Variants in TMEM185A observed in about 807,000 individuals in gnomAD.
The protein encoded by TMEM185A is transmembrane protein 185A, also known as family with sequence similarity 11, member A.
A neutral mutation model predicts 25.0 loss-of-function variants in TMEM185A; 9 were observed. The ratio of observed to expected loss-of-function variants is 0.36; its 90% confidence interval spans 0.22 to 0.63. The LOEUF (loss-of-function observed/expected upper bound fraction) is 0.63. Ranked by LOEUF, TMEM185A falls within the 20% of genes least tolerant of loss-of-function variation. The pLI, the probability that TMEM185A is intolerant of heterozygous loss-of-function variation, is 0.68. For missense variants in TMEM185A, 103 were observed against 237.4 expected (o/e 0.43, Z 3.72); for synonymous variants, 45 against 93.5 (o/e 0.48, Z 2.99).
chrX:149,631,357 G>A (rs78311649), intron 1 of TMEM185A, among the ~76,000 whole-genome samples, 186 bp downstream of exon 1: 1 of 111,345 alleles, frequency 9.0e-6, no homozygotes, highest in African/African-American at 3.3e-5. Context: ...ACGGGAGGAG[G>A]AAGCGGGCGG....
intron 3 of TMEM185A, among the ~76,000 whole-genome samples, 170 bp from the exon 4 acceptor site, chrX:149,604,240 T>C (rs1418704030): frequency 8.9e-6 from 1 of 112,585 alleles, no homozygotes; most frequent in Non-Finnish European, 1.9e-5. Context: ...CACAGCAGTA[T>C]TATGGCAAGG....
rs1214930595 is a variant in TMEM185A, at chrX:149,631,777, C to T, written c.-197G>A. The T allele has an allele frequency of 4.5e-6, 1 of 224,206 alleles. No homozygotes were observed. The highest frequency in any genetic ancestry group is 1.4e-4 in the South Asian group (1 of 7,358). The allele number at this position is 224,206 out of a possible 1,213,427, so 18.5% of individuals were successfully genotyped here. A position where few individuals can be genotyped will look rare whatever the true frequency, so the allele number is the denominator to read the frequency against. The stretch of plus-strand genomic sequence containing the variant: ...GCCGCCGCCGCCGCCGCCGCCGCCG[C>T]CGCCCGGAGAAACCTGAGCCACCGC... On this transcript the variant is annotated 5_prime_UTR_variant, in exon 1 of 7. Coordinates refer to ENST00000600449, the MANE Select transcript of TMEM185A (RefSeq NM_032508.4).
intron 1 of TMEM185A, 124 bp from the exon 2 acceptor site, chrX:149,611,587 T>C: frequency 1.6e-6 from 1 of 631,063 alleles, no homozygotes; most frequent in Non-Finnish European, 2.4e-6. Flanking sequence ...TAATCATTTA[T>C]TGAAAAGGTC....
chrX:149,631,323 G>A (rs976897126), intron 1 of TMEM185A, among the ~76,000 whole-genome samples: 2 of 111,084 alleles, frequency 1.8e-5, no homozygotes, highest in South Asian at 3.9e-4. Flanking sequence ...GGCCGTGGCC[G>A]GGCAGGGGCT....
chrX:149,605,113 G>A (rs980992706), intron 3 of TMEM185A: 1 of 112,626 alleles, frequency 8.9e-6, no homozygotes, highest in African/African-American at 3.2e-5. Context: ...CCTCCTTCAT[G>A]GTTAGTTCTC....
intron 3 of TMEM185A, among the ~76,000 whole-genome samples, chrX:149,604,416 C>T (rs781988997): frequency 9.8e-5 from 11 of 111,884 alleles, no homozygotes; most frequent in South Asian, 7.5e-4. Flanking sequence ...ACTGTCTACT[C>T]GAAACCATCC....
intron 2 of TMEM185A, among the ~76,000 whole-genome samples, 169 bp downstream of exon 2, chrX:149,611,118 C>T (rs1241984627): frequency 2.7e-5 from 3 of 111,535 alleles, no homozygotes; most frequent in African/African-American, 9.8e-5. Flanking sequence ...AAAATACATA[C>T]CAAAGACTAA....
chrX:149,606,813 G>A (rs2090054234), intron 3 of TMEM185A: 1 of 112,628 alleles, frequency 8.9e-6, no homozygotes, highest in African/African-American at 3.2e-5. Context: ...GGAATGCCTA[G>A]AGTGTGAATA....
chrX:149,622,585 T>C (rs1416820683), intron 1 of TMEM185A, among the ~76,000 whole-genome samples: 5 of 112,168 alleles, frequency 4.5e-5, no homozygotes, highest in African/African-American at 1.3e-4. Context: ...AAAAAAAGGA[T>C]CATGGGGCAG....
rs1557356680 is a variant in TMEM185A, at chrX:149,631,622, C to T, written c.-42G>A. On this transcript the variant is annotated 5_prime_UTR_variant, in exon 1 of 7. Coordinates refer to ENST00000600449, the MANE Select transcript of TMEM185A (RefSeq NM_032508.4). ...GCGGCGTCCTCCTCCTCCTCCCCCG[C>T]ACCCCGTGCTGCACAGCCTGCGCCT... 1 of 1,129,347 alleles carries T rather than the reference C, an allele frequency of 8.9e-7. No homozygotes were observed. Among genetic ancestry groups the T allele is most frequent in the Non-Finnish European group, 1.2e-6 (1 of 846,300 alleles). The allele number at this position is 1,129,347 out of a possible 1,213,427, so 93.1% of individuals were successfully genotyped here.
At chrX:149,624,916 T>C (rs782591509) in intron 1 of TMEM185A, among the ~76,000 whole-genome samples, 1 of 112,070 alleles carries the variant, frequency 8.9e-6, no homozygotes, top group Non-Finnish European at 1.9e-5. Flanking sequence ...ATTCCTCATA[T>C]ACTGATTCAT....
At chrX:149,618,424 T>A (rs2090121851) in intron 1 of TMEM185A, among the ~76,000 whole-genome samples, 1 of 111,156 alleles carries the variant, frequency 9.0e-6, no homozygotes, top group Non-Finnish European at 1.9e-5. Flanking sequence ...GCTAAAAAAA[T>A]ATACATAGCA....
intron 1 of TMEM185A, among the ~76,000 whole-genome samples, chrX:149,618,564 T>A (rs782424072): frequency 2.2e-4 from 25 of 111,442 alleles, no homozygotes; most frequent in Middle Eastern, 4.7e-3. Context: ...GCTCTCAAAG[T>A]TTTTAGTATC....
chrX:149,620,493 G>A (rs2090134334), intron 1 of TMEM185A, among the ~76,000 whole-genome samples: 1 of 111,705 alleles, frequency 9.0e-6, no homozygotes. Context: ...AAGTGAAGCT[G>A]GCATTTTTTT....
intron 3 of TMEM185A, among the ~76,000 whole-genome samples, chrX:149,604,437 T>G (rs1309741841): frequency 1.8e-5 from 2 of 112,019 alleles, no homozygotes; most frequent in African/African-American, 6.5e-5. Flanking sequence ...TTGTGCATCC[T>G]TCTTCTCATA....
chrX:149,631,362 G>C lies in TMEM185A; in HGVS notation c.38+181C>G, dbSNP rs782335058. 3.6e-5 allele frequency among the ~76,000 whole-genome samples: 4 copies of C among 111,289 alleles called. No individual in the cohort carries two copies. In the South Asian group the frequency reaches 1.5e-3, roughly 43 times the overall value. On this transcript the variant is annotated intron_variant, in intron 1 of 6. Coordinates refer to ENST00000600449, the MANE Select transcript of TMEM185A (RefSeq NM_032508.4). ...AGCACCGGGCACGGGAGGAGGAAGC[G>C]GGCGGGCGCCGAGGCCGACTGTTTT...
intron 1 of TMEM185A, among the ~76,000 whole-genome samples, chrX:149,630,227 G>A (rs1602890207): frequency 9.0e-6 from 1 of 111,618 alleles, no homozygotes; most frequent in East Asian, 2.8e-4. Context: ...AACTCAAAGT[G>A]GAATAAGAGC....
intron 6 of TMEM185A, among the ~76,000 whole-genome samples, chrX:149,598,794 A>G (rs2090004656): frequency 1.2e-5 from 1 of 80,941 alleles, no homozygotes; most frequent in African/African-American, 7.6e-5. Context: ...GGGGGCCTGA[A>G]CTCATGGAGC....
At chrX:149,631,136 G>A (rs2090189289) in intron 1 of TMEM185A, among the ~76,000 whole-genome samples, 1 of 110,684 alleles carries the variant, frequency 9.0e-6, no homozygotes, top group African/African-American at 3.3e-5. Context: ...AACAGCTGGG[G>A]TGGGGGTAGG....
Sources: allele counts gnomAD v4.1 joint callset (sites outside exome capture counted in the v4.1 genomes callset), GRCh38; gene constraint gnomAD v4.1.1; transcripts MANE v1.5; gene names NCBI Gene and HGNC (gene_info 2026-07-23, HGNC 2026-07-21).